The following ST6GAL2 variants were observed in gnomAD, a reference collection of about 807,000 sequenced individuals.
ST6GAL2 encodes the protein beta-galactoside alpha-2,6-sialyltransferase 2.
A neutral mutation model predicts 37.5 loss-of-function variants in ST6GAL2; 24 were observed. The observed-to-expected ratio is 0.64, with a 90% CI of 0.46 to 0.90. ST6GAL2 has a LOEUF of 0.90. ST6GAL2 is among the 40% of genes least tolerant of loss of function. The pLI is 0.00. For synonymous variants in ST6GAL2, 306 were observed against 295.1 expected (o/e 1.04, Z -0.38); for missense variants, 715 against 712.7 (o/e 1.00, Z -0.04).
At chr2:106,837,310 C>T (rs762817526) in intron 2 of ST6GAL2, among the ~76,000 whole-genome samples, 13 of 152,246 alleles carry the variant, frequency 8.5e-5, no homozygotes, top group Non-Finnish European at 1.6e-4. Flanking sequence ...CTGAAAAACA[C>T]GTGTATTCAA....
intron 1 of ST6GAL2, among the ~76,000 whole-genome samples, chr2:106,865,706 A>T (rs1460346017): frequency 2.0e-5 from 3 of 152,184 alleles, no homozygotes; most frequent in Non-Finnish European, 4.4e-5. Flanking sequence ...GACATGTGTG[A>T]CACTCTCACT....
At chr2:106,839,949 T>C (rs1676807277) in intron 2 of ST6GAL2, among the ~76,000 whole-genome samples, 1 of 152,236 alleles carries the variant, frequency 6.6e-6, no homozygotes, top group Non-Finnish European at 1.5e-5. Context: ...TCTACTTTTC[T>C]AACCAAAACC....
Position 106,831,363 on chromosome 2 carries a change from C to T in ST6GAL2, c.1144-1123G>A, listed in dbSNP as rs1377120198. 2.6e-5 allele frequency among the ~76,000 whole-genome samples: 4 copies of T among 152,194 alleles called. No individual in the cohort carries two copies. In the East Asian group the frequency reaches 7.7e-4, roughly 29 times the overall value. ...TGGGTGGCCAGCTCTGTGCCCTGGG[C>T]TGAGCTGCTTCTAACAGAGGAAGAA... On this transcript the variant is annotated intron_variant, in intron 4 of 5. Transcript: ENST00000409382.
At chr2:106,823,215 T>G (rs1227332232) in intron 5 of ST6GAL2, 1 of 152,068 alleles carries the variant, frequency 6.6e-6, no homozygotes, top group Non-Finnish European at 1.5e-5. Flanking sequence ...AAATCTGATT[T>G]TACTAGGAAA....
chr2:106,850,388 AATGAAG>A (rs1328500967), intron 1 of ST6GAL2, among the ~76,000 whole-genome samples: 1 of 152,122 alleles, frequency 6.6e-6, no homozygotes, highest in African/African-American at 2.4e-5. Flanking sequence ...CAATGCAAAG[AATGAAG>A]ACTCTTCATT....
At chr2:106,834,222 A>T (rs1458939922) in intron 2 of ST6GAL2, 76 bp from the exon 3 acceptor site, 9 of 974,512 alleles carry the variant, frequency 9.2e-6, no homozygotes, top group Non-Finnish European at 1.5e-5. Flanking sequence ...GTTAAAGCAA[A>T]TCTTTCAATA....
At chr2:106,821,592 AAAG>A (rs760413776) in intron 5 of ST6GAL2, among the ~76,000 whole-genome samples, 24 of 152,114 alleles carry the variant, frequency 1.6e-4, no homozygotes, top group Admixed American at 3.3e-4. Flanking sequence ...CCAAACATTT[AAAG>A]AAGAACTAAT....
chr2:106,882,266 T>G (rs182470109), intron 1 of ST6GAL2, among the ~76,000 whole-genome samples: 2 of 152,102 alleles, frequency 1.3e-5, no homozygotes, highest in East Asian at 3.9e-4. Context: ...ATTACAGGAG[T>G]TGTCATTCTT....
intron 1 of ST6GAL2, among the ~76,000 whole-genome samples, chr2:106,863,803 G>A (rs1677907921): frequency 6.6e-6 from 1 of 152,172 alleles, no homozygotes; most frequent in Non-Finnish European, 1.5e-5. Flanking sequence ...TGTGGAGCTA[G>A]GAAGAGATAT....
At chr2:106,836,928 G>A (rs1379374802) in intron 2 of ST6GAL2, among the ~76,000 whole-genome samples, 1 of 112,976 alleles carries the variant, frequency 8.9e-6, no homozygotes, top group Non-Finnish European at 1.7e-5. Flanking sequence ...TGAGCAACAG[G>A]AGCAAAATTC....
intron 1 of ST6GAL2, among the ~76,000 whole-genome samples, chr2:106,848,967 A>G (rs748203856): frequency 9.9e-5 from 15 of 152,198 alleles, no homozygotes; most frequent in Non-Finnish European, 2.1e-4. Context: ...TCTGTAACCA[A>G]TCAAACAGCT....
At chr2:106,850,966 A>G (rs141730036) in intron 1 of ST6GAL2, among the ~76,000 whole-genome samples, 17 of 152,266 alleles carry the variant, frequency 1.1e-4, no homozygotes, top group African/African-American at 3.1e-4. Context: ...GTGCTCCTTA[A>G]TCACACCTTC....
intron 2 of ST6GAL2, among the ~76,000 whole-genome samples, chr2:106,840,055 G>GT (rs1351962090): frequency 6.6e-6 from 1 of 152,236 alleles, no homozygotes; most frequent in Non-Finnish European, 1.5e-5. Flanking sequence ...AGGGCAGCCA[G>GT]TAAGCAAACC....
rs1675316463 is a variant in ST6GAL2, at chr2:106,803,303, C to T, written c.*3375G>A. On this transcript the variant is annotated 3_prime_UTR_variant, in exon 6 of 6. Transcript: ENST00000409382. ...GTGCTGTTTCTCGAAGCTCTGCCTT[C>T]AGGCAGACAAGGAAAGACCTGGTCG... 6.6e-6 allele frequency: 1 copy of T among 152,198 alleles called. No homozygotes were observed. The highest frequency in any genetic ancestry group is 2.4e-5 in the African/African-American group (1 of 41,440). 9.4% of individuals were successfully genotyped at this position (152,198 alleles called of 1,614,324 possible). A position where few individuals can be genotyped will look rare whatever the true frequency, so the allele number is the denominator to read the frequency against.
intron 2 of ST6GAL2, among the ~76,000 whole-genome samples, chr2:106,842,645 G>A (rs1337729990): frequency 6.6e-6 from 1 of 152,160 alleles, no homozygotes; most frequent in Non-Finnish European, 1.5e-5. Flanking sequence ...GCTTTCAGGG[G>A]CCACAGCCTG....
chr2:106,808,044 G>A (rs1272291444), intron 5 of ST6GAL2, among the ~76,000 whole-genome samples: 1 of 152,160 alleles, frequency 6.6e-6, no homozygotes, highest in Non-Finnish European at 1.5e-5. Context: ...GATGTCCCTT[G>A]TTATAAAAAA....
chr2:106,856,741 A>C (rs1391016013), intron 1 of ST6GAL2, among the ~76,000 whole-genome samples: 1 of 152,212 alleles, frequency 6.6e-6, no homozygotes, highest in Non-Finnish European at 1.5e-5. Context: ...GTATCTTTGA[A>C]GGCAGTCAAA....
chr2:106,832,454 G>A, intron 4 of ST6GAL2, 111 bp downstream of exon 4: 1 of 622,052 alleles, frequency 1.6e-6, no homozygotes, highest in South Asian at 2.2e-5. Flanking sequence ...AATTGATATT[G>A]ATGGGTACTT....
At chr2:106,841,654 C>G (rs1007043631) in intron 2 of ST6GAL2, among the ~76,000 whole-genome samples, 1 of 152,148 alleles carries the variant, frequency 6.6e-6, no homozygotes, top group African/African-American at 2.4e-5. Context: ...TATGGCAACA[C>G]AAGAGCCTGG....
Sources: allele counts gnomAD v4.1 joint callset (sites outside exome capture counted in the v4.1 genomes callset), GRCh38; gene constraint gnomAD v4.1.1; transcripts MANE v1.5; gene names NCBI Gene and HGNC (gene_info 2026-07-23, HGNC 2026-07-21).